Variants in FBXL5 observed in about 807,000 individuals in gnomAD.
FBXL5 encodes the protein F-box/LRR-repeat protein 5.
In FBXL5, 26 loss-of-function variants were observed where a neutral mutation model predicts 78.3. The ratio of observed to expected loss-of-function variants is 0.33; its 90% CI spans 0.24 to 0.46. The LOEUF (loss-of-function observed/expected upper bound fraction) is 0.46. FBXL5 is among the 20% of genes least tolerant of loss of function. The pLI, the probability that FBXL5 is intolerant of heterozygous loss-of-function variation, is 1.00. For missense variants in FBXL5, 710 were observed against 829.2 expected (o/e 0.86, Z 1.77); for synonymous variants, 295 against 282.5 (o/e 1.04, Z -0.45).
chr4:15,662,549 C>T (rs1717362211), upstream of FBXL5, among the ~76,000 whole-genome samples: 1 of 152,128 alleles, frequency 6.6e-6, no homozygotes, highest in Non-Finnish European at 1.5e-5. Context: ...ATCAGATATG[C>T]ATTGTTCCTT....
intron 1 of FBXL5, among the ~76,000 whole-genome samples, chr4:15,677,749 T>C (rs1005455181): frequency 3.0e-4 from 45 of 152,134 alleles, no homozygotes; most frequent in Non-Finnish European, 7.3e-5. Context: ...ACACAAAAAT[T>C]GTAGTAGTAA....
In FBXL5 at chr4:15,643,006, A is replaced by G. The variant is rs117799585; in HGVS notation, c.300+1487T>C. ...TCTCAAGTCTGATCCCCTCCCCTTT[A>G]TTTCTACTAGTCATGACTTTAGTTC... On this transcript the variant is annotated intron_variant, in intron 2 of 10. Coordinates refer to ENST00000341285, the MANE Select transcript of FBXL5 (RefSeq NM_012161.4). Among the ~76,000 whole-genome samples the G allele has an allele frequency of 3.4e-3, 517 of 152,024 alleles. 2 individuals carry two copies. Among genetic ancestry groups the G allele is most frequent in the East Asian group, 0.019 (98 of 5,168 alleles).
chr4:15,628,789 G>GCACACA (rs778787569), intron 6 of FBXL5, among the ~76,000 whole-genome samples: 2 of 21,240 alleles, frequency 9.4e-5, no homozygotes, highest in East Asian at 2.4e-3. Flanking sequence ...ACACACACAC[G>GCACACA]CACACACACA....
At chr4:15,622,344 G>C (rs1398831038) in intron 9 of FBXL5, among the ~76,000 whole-genome samples, 8 of 152,180 alleles carry the variant, frequency 5.3e-5, no homozygotes, top group African/African-American at 1.9e-4. Context: ...GTAACTGGTT[G>C]ACTGAAACAC....
At chr4:15,614,153 C>A (rs996681574) in intron 9 of FBXL5, among the ~76,000 whole-genome samples, 1 of 152,214 alleles carries the variant, frequency 6.6e-6, no homozygotes, top group East Asian at 1.9e-4. Flanking sequence ...ATGCTCTCCC[C>A]ACTTCCCCTA....
At chr4:15,653,248 G>GA (rs1267607314) in intron 1 of FBXL5, among the ~76,000 whole-genome samples, 1 of 152,050 alleles carries the variant, frequency 6.6e-6, no homozygotes, top group Non-Finnish European at 1.5e-5. Flanking sequence ...ATGTCAAATT[G>GA]AAAATGCTTT....
chr4:15,613,451 G>A (rs114591102), intron 9 of FBXL5, among the ~76,000 whole-genome samples: 4,653 of 152,164 alleles, frequency 0.031, 98 homozygotes, highest in Admixed American at 0.057. Flanking sequence ...GTGGCTCCTT[G>A]TATTTGGATG....
chr4:15,609,865 T>C (rs972173394), intron 10 of FBXL5, among the ~76,000 whole-genome samples: 24 of 152,174 alleles, frequency 1.6e-4, no homozygotes, highest in Admixed American at 1.5e-3. Flanking sequence ...CCAAAATCTC[T>C]GCTAATGCTT....
rs1428853449 is a variant in FBXL5, at chr4:15,605,551, AAAC to A, written c.*169_*171del. ...AAACCAAAAGTATAATTTGCAAGAG[AAAC>A]AACATTACAATTCACTGGTAAATTA... is the stretch of plus-strand genomic sequence containing the variant. On this transcript the variant is annotated 3_prime_UTR_variant, in exon 11 of 11. Transcript: ENST00000341285. The A allele has an allele frequency of 1.2e-5, 7 of 580,954 alleles. No homozygotes were observed. The highest frequency in any genetic ancestry group is 5.9e-5 in the East Asian group (2 of 33,754). 36.0% of individuals were successfully genotyped at this position (580,954 alleles called of 1,614,324 possible). A position where few individuals can be genotyped will look rare whatever the true frequency, so the allele number is the denominator to read the frequency against.
intron 9 of FBXL5, among the ~76,000 whole-genome samples, chr4:15,613,840 C>G (rs1162925711): frequency 8.2e-5 from 1 of 12,198 alleles, no homozygotes; most frequent in Admixed American, 1.7e-3. Context: ...TATCTTATAA[C>G]TTTTGTTTTT....
intron 10 of FBXL5, among the ~76,000 whole-genome samples, chr4:15,610,174 G>GA (rs1055359078): frequency 6.6e-6 from 1 of 151,960 alleles, no homozygotes; most frequent in Non-Finnish European, 1.5e-5. Context: ...GAGCTGTTTT[G>GA]AAAGATACTG....
chr4:15,635,097 C>T (rs1362973841), intron 5 of FBXL5, among the ~76,000 whole-genome samples: 3 of 152,010 alleles, frequency 2.0e-5, no homozygotes, highest in South Asian at 2.1e-4. Flanking sequence ...TTTGGGAGGC[C>T]GAGACGGGTG....
intron 2 of FBXL5, among the ~76,000 whole-genome samples, chr4:15,643,154 C>T (rs1056942328): frequency 6.6e-6 from 1 of 152,118 alleles, no homozygotes; most frequent in African/African-American, 2.4e-5. Flanking sequence ...TAGTACCCTA[C>T]CCCAACCAAA....
At chr4:15,640,633 T>C (rs1241325311) in intron 3 of FBXL5, among the ~76,000 whole-genome samples, 155 bp downstream of exon 3, 8 of 152,006 alleles carry the variant, frequency 5.3e-5, no homozygotes, top group Non-Finnish European at 7.4e-5. Context: ...ACGTTTTTTT[T>C]TTCCCTTGGG....
intron 1 of FBXL5, among the ~76,000 whole-genome samples, chr4:15,653,823 T>C (rs1448403180): frequency 6.6e-6 from 1 of 152,216 alleles, no homozygotes; most frequent in Non-Finnish European, 1.5e-5. Flanking sequence ...CTCAGCTGCA[T>C]ACTGCACTCA....
intron 2 of FBXL5, among the ~76,000 whole-genome samples, chr4:15,641,347 C>A (rs1314739269): frequency 6.6e-6 from 1 of 152,026 alleles, no homozygotes; most frequent in African/African-American, 2.4e-5. Context: ...TTTTCTTCTG[C>A]CTCTCCCACC....
In FBXL5 at chr4:15,605,594, G is replaced by C; in HGVS notation, c.*129C>G. 1.2e-5 allele frequency: 8 copies of C among 678,956 alleles called. No individual in the cohort carries two copies. The highest frequency in any genetic ancestry group is 5.1e-6 in the Non-Finnish European group (2 of 392,008). 42.1% of individuals were successfully genotyped at this position (678,956 alleles called of 1,614,324 possible). A position where few individuals can be genotyped will look rare whatever the true frequency, so the allele number is the denominator to read the frequency against. On this transcript the variant is annotated 3_prime_UTR_variant, in exon 11 of 11. Coordinates refer to ENST00000341285, the MANE Select transcript of FBXL5 (RefSeq NM_012161.4). ...CTGGTAAATTAAGATTTCTGAAGTT[G>C]TAAGAAATGGGGCCAAAACAAGTCA...
chr4:15,627,850 TC>T, intron 7 of FBXL5, 34 bp downstream of exon 7: 3 of 1,583,754 alleles, frequency 1.9e-6, no homozygotes, highest in Non-Finnish European at 2.6e-6. Flanking sequence ...ATGCTGTTTT[TC>T]TTAATACCCA....
At chr4:15,631,984 C>G (rs1713720274) in intron 5 of FBXL5, among the ~76,000 whole-genome samples, 2 of 152,164 alleles carry the variant, frequency 1.3e-5, no homozygotes, top group South Asian at 4.1e-4. Context: ...TCACAAAGTC[C>G]TTGCCCATGC....
Sources: allele counts gnomAD v4.1 joint callset (sites outside exome capture counted in the v4.1 genomes callset), GRCh38; gene constraint gnomAD v4.1.1; transcripts MANE v1.5; gene names NCBI Gene and HGNC (gene_info 2026-07-23, HGNC 2026-07-21).